Variants in EPHB1 observed in about 807,000 individuals in gnomAD.
The protein encoded by EPHB1 is ephrin type-B receptor 1.
EPHB1 carries 30 observed loss-of-function variants against 94.4 expected under a neutral mutation model. The observed-to-expected ratio is 0.32, with a 90% CI of 0.24 to 0.43. The LOEUF (loss-of-function observed/expected upper bound fraction) is 0.43. EPHB1 is among the 20% of genes least tolerant of loss of function. The pLI, the probability that EPHB1 is intolerant of heterozygous loss-of-function variation, is 1.00. For synonymous variants in EPHB1, 522 were observed against 489.1 expected (o/e 1.07, Z -0.89); for missense variants, 1,055 against 1,308.3 (o/e 0.81, Z 2.99).
chr3:134,846,983 G>T (rs1412325454), intron 1 of EPHB1, among the ~76,000 whole-genome samples: 1 of 152,152 alleles, frequency 6.6e-6, no homozygotes, highest in East Asian at 1.9e-4. Context: ...GAGATTAATA[G>T]CCCTTACCCC....
chr3:135,180,708 C>G lies in EPHB1; in HGVS notation c.1882+726C>G, dbSNP rs531370544. On this transcript the variant is annotated intron_variant, in intron 10 of 15. Transcript: ENST00000398015. Reference sequence around the variant, plus strand: ...TCATCTTCCTTTAATGGGTTAGTAGCTGAGTCAATTTGGCAATGGACCTAG... The same window carrying G: ...TCATCTTCCTTTAATGGGTTAGTAGGTGAGTCAATTTGGCAATGGACCTAG... 5.3e-5 allele frequency among the ~76,000 whole-genome samples: 8 copies of G among 152,258 alleles called. No homozygotes were observed. The East Asian group carries it at 1.5e-3, about 29-fold the overall frequency.
intron 3 of EPHB1, among the ~76,000 whole-genome samples, chr3:134,960,160 T>C (rs1031112473): frequency 2.6e-5 from 4 of 151,900 alleles, no homozygotes; most frequent in Non-Finnish European, 5.9e-5. Context: ...GGGCCATTGA[T>C]GAGTTGAATT....
chr3:135,201,725 G>A (rs2107713238), intron 12 of EPHB1, 36 bp downstream of exon 12: 1 of 1,598,556 alleles, frequency 6.3e-7, no homozygotes. Context: ...TAGAAGCATG[G>A]CATGAGTTAA....
At chr3:135,048,252 C>CT (rs1323642991) in intron 3 of EPHB1, among the ~76,000 whole-genome samples, 138 of 83,236 alleles carry the variant, frequency 1.7e-3, no homozygotes, top group African/African-American at 2.5e-3. Flanking sequence ...TTCTTTCTTT[C>CT]TTTTTTCTTT....
intron 3 of EPHB1, among the ~76,000 whole-genome samples, chr3:134,994,167 T>G (rs1482058469): frequency 6.6e-6 from 1 of 152,214 alleles, no homozygotes; most frequent in Non-Finnish European, 1.5e-5. Flanking sequence ...GGAAAGGATG[T>G]TTATCATTTT....
rs1460227912 is a variant in EPHB1, at chr3:135,257,757, G to T, written c.2847-1255G>T. Among the ~76,000 whole-genome samples, 23 of 151,210 alleles carry T rather than the reference G, an allele frequency of 1.5e-4. 1 individual carries two copies. The highest frequency in any genetic ancestry group is 3.9e-4 in the East Asian group (2 of 5,146). On this transcript the variant is annotated intron_variant, in intron 15 of 15. Coordinates refer to ENST00000398015, the MANE Select transcript of EPHB1 (RefSeq NM_004441.5). ...GGGCTCCACCCAGTTCGAGCTTCCC[G>T]GCTGCTTTGTTTACCTAAGCAAGCC...
At chr3:135,081,764 G>A (rs1057128825) in intron 3 of EPHB1, among the ~76,000 whole-genome samples, 3 of 152,088 alleles carry the variant, frequency 2.0e-5, no homozygotes, top group Non-Finnish European at 4.4e-5. Context: ...TTTGCCAGCG[G>A]ACAATCCACT....
chr3:134,921,481 C>T (rs536633548), intron 1 of EPHB1, among the ~76,000 whole-genome samples: 1 of 152,312 alleles, frequency 6.6e-6, no homozygotes, highest in South Asian at 2.1e-4. Context: ...AATAGGGTGC[C>T]AGTTATGACT....
intron 10 of EPHB1, among the ~76,000 whole-genome samples, chr3:135,185,264 C>T (rs1201130365): frequency 6.6e-6 from 1 of 152,112 alleles, no homozygotes; most frequent in Non-Finnish European, 1.5e-5. Flanking sequence ...AACAAAGGCC[C>T]GGGTTTCCTT....
chr3:134,947,116 T>C (rs2039229686), intron 2 of EPHB1, among the ~76,000 whole-genome samples: 1 of 152,248 alleles, frequency 6.6e-6, no homozygotes, highest in South Asian at 2.1e-4. Flanking sequence ...AAGCTTCATA[T>C]TGTTATATCC....
intron 4 of EPHB1, among the ~76,000 whole-genome samples, chr3:135,131,378 G>C (rs945991116): frequency 6.6e-5 from 10 of 152,036 alleles, no homozygotes; most frequent in Non-Finnish European, 8.8e-5. Context: ...CTCATTTTTT[G>C]TGTTGGCATT....
intron 3 of EPHB1, among the ~76,000 whole-genome samples, chr3:135,011,765 T>G (rs1259358983): frequency 1.3e-5 from 2 of 152,210 alleles, no homozygotes; most frequent in Non-Finnish European, 2.9e-5. Context: ...AACCCAAATC[T>G]GGGCCAAAGT....
intron 1 of EPHB1, among the ~76,000 whole-genome samples, chr3:134,879,638 C>A (rs1447466561): frequency 6.6e-6 from 1 of 151,816 alleles, no homozygotes; most frequent in African/African-American, 2.4e-5. Context: ...GGAGACAGAG[C>A]GAGATCCTGT....
chr3:134,874,518 A>G (rs2037576454), intron 1 of EPHB1, among the ~76,000 whole-genome samples: 1 of 152,210 alleles, frequency 6.6e-6, no homozygotes, highest in Admixed American at 6.5e-5. Context: ...TTGGGTTTTG[A>G]AGTAAAATAT....
At chr3:134,956,372 T>TCA (rs1397345013) in intron 3 of EPHB1, among the ~76,000 whole-genome samples, 2 of 152,140 alleles carry the variant, frequency 1.3e-5, no homozygotes, top group Admixed American at 6.5e-5. Context: ...AGAAGCTGCT[T>TCA]CATTAGGCTG....
At position 134,973,514 on chromosome 3, in the gene EPHB1, C is replaced by G. The variant is rs1321256596; in HGVS notation, c.805+21462C>G. On this transcript the variant is annotated intron_variant, in intron 3 of 15. Coordinates refer to ENST00000398015, the MANE Select transcript of EPHB1 (RefSeq NM_004441.5). ...TGGCATGATCTTGGCTCACTGCAAC[C>G]TCCACCTCCTGGGTTCAAGCGATTC... 8.2e-5 allele frequency among the ~76,000 whole-genome samples: 12 copies of G among 146,964 alleles called. No homozygotes were observed. In the Admixed American group the frequency reaches 8.5e-4, roughly 10 times the overall value.
intron 1 of EPHB1, among the ~76,000 whole-genome samples, chr3:134,842,393 C>G (rs562320474): frequency 6.6e-6 from 1 of 152,310 alleles, no homozygotes; most frequent in East Asian, 1.9e-4. Context: ...CAGCCTCACC[C>G]CCTTCACTCT....
chr3:135,240,604 A>T (rs1943759210), intron 12 of EPHB1, among the ~76,000 whole-genome samples: 1 of 152,160 alleles, frequency 6.6e-6, no homozygotes, highest in Non-Finnish European at 1.5e-5. Context: ...CATGCTACAG[A>T]GTTAGGGAAA....
intron 13 of EPHB1, among the ~76,000 whole-genome samples, chr3:135,247,902 A>AAAT (rs1479596249): frequency 6.6e-6 from 1 of 152,170 alleles, no homozygotes; most frequent in Non-Finnish European, 1.5e-5. Context: ...CATCCTTTAT[A>AAAT]AATAGTGGGT....
Sources: gnomAD v4.1 joint callset for allele counts (sites outside exome capture counted in the v4.1 genomes callset) on GRCh38, gnomAD v4.1.1 for gene constraint, MANE v1.5 for transcripts, NCBI Gene and HGNC (gene_info 2026-07-23, HGNC 2026-07-21) for gene names.